Variants in PRRC1 observed in about 807,000 individuals in gnomAD.
The protein encoded by PRRC1 is proline rich coiled-coil 1, also known as protein PRRC1.
Under a neutral mutation model 40.7 loss-of-function variants are expected in PRRC1, and 39 were observed. That is an observed-to-expected ratio of 0.96 (90% CI 0.74 to 1.25). The LOEUF is 1.25. Among genes scored for constraint, PRRC1 ranks in the 50% most tolerant of loss-of-function variants. PRRC1 has a pLI of 0.00. For missense variants in PRRC1, 573 were observed against 548.3 expected, an observed-to-expected ratio of 1.05 and a Z score of -0.45; for synonymous variants, 175 against 193.3, an observed-to-expected ratio of 0.91 and a Z score of 0.79.
Position 127,553,482 on chromosome 5 carries a change from TTC to T in PRRC1, c.*1568_*1569del, listed in dbSNP as rs1472158915. 10 of 1,105,794 alleles carry T rather than the reference TTC, an allele frequency of 9.0e-6. No individual in the cohort carries two copies. The highest frequency in any genetic ancestry group is 1.1e-5 in the Non-Finnish European group (10 of 892,940). The allele number at this position is 1,105,794 out of a possible 1,614,324, so 68.5% of individuals were successfully genotyped here. ...CCAGGAGTAACAGGGACAGAATACT[TTC>T]TTTCTTTCCTTCAAGTACAAGAAGG... On this transcript the variant is annotated 3_prime_UTR_variant, in exon 9 of 9. Coordinates refer to ENST00000296666, the MANE Select transcript of PRRC1 (RefSeq NM_130809.5).
chr5:127,532,461 G>A (rs1767801919), intron 5 of PRRC1, among the ~76,000 whole-genome samples: 1 of 152,066 alleles, frequency 6.6e-6, no homozygotes, highest in South Asian at 2.1e-4. Flanking sequence ...TAACAATTTC[G>A]TATGTGTCAA....
intron 7 of PRRC1, 92 bp downstream of exon 7, chr5:127,539,235 AC>A: frequency 1.1e-6 from 1 of 874,256 alleles, no homozygotes; most frequent in Non-Finnish European, 1.8e-6. Flanking sequence ...CTGTTTTATA[AC>A]CAGAGAGAAA....
chr5:127,540,225 G>T (rs972063599), intron 7 of PRRC1, among the ~76,000 whole-genome samples: 1 of 151,928 alleles, frequency 6.6e-6, no homozygotes, highest in Admixed American at 6.6e-5. Context: ...TGATTGTTGT[G>T]TCATTTTTTT....
At chr5:127,541,756 C>A (rs1344005855) in intron 7 of PRRC1, among the ~76,000 whole-genome samples, 2 of 151,500 alleles carry the variant, frequency 1.3e-5, no homozygotes, top group African/African-American at 4.9e-5. Flanking sequence ...CTATTTGATT[C>A]TTCTCTCTTT....
chr5:127,547,672 A>T, intron 7 of PRRC1, 147 bp from the exon 8 acceptor site: 1 of 499,854 alleles, frequency 2.0e-6, no homozygotes. Flanking sequence ...TGTTTTTATG[A>T]ATTGTCCTTT....
intron 6 of PRRC1, among the ~76,000 whole-genome samples, chr5:127,538,839 G>A: frequency 6.6e-6 from 1 of 152,040 alleles, no homozygotes; most frequent in Admixed American, 6.6e-5. Context: ...TTTGGAAGGT[G>A]TACCCCAAAC....
At chr5:127,541,617 C>T (rs1768049220) in intron 7 of PRRC1, among the ~76,000 whole-genome samples, 1 of 152,260 alleles carries the variant, frequency 6.6e-6, no homozygotes, top group African/African-American at 2.4e-5. Flanking sequence ...GTGTATGTAT[C>T]GAGGAATTTA....
chr5:127,553,709 TTTGA>T lies in PRRC1; in HGVS notation c.*1796_*1799del. The T allele has an allele frequency of 2.7e-6, 4 of 1,498,302 alleles. No individual in the cohort carries two copies. The highest frequency in any genetic ancestry group is 3.5e-6 in the Non-Finnish European group (4 of 1,132,280). The allele number at this position is 1,498,302 out of a possible 1,614,324, so 92.8% of individuals were successfully genotyped here. A position where few individuals can be genotyped will look rare whatever the true frequency, so the allele number is the denominator to read the frequency against. ...GATTCTAAAAATACCTTAATTTTTC[TTTGA>T]TTTTTATTTTACCAAGTCACAAATG... On this transcript the variant is annotated 3_prime_UTR_variant, in exon 9 of 9. Coordinates refer to ENST00000296666, the MANE Select transcript of PRRC1 (RefSeq NM_130809.5).
chr5:127,540,561 T>C (rs888876309), intron 7 of PRRC1, among the ~76,000 whole-genome samples: 1 of 152,286 alleles, frequency 6.6e-6, no homozygotes, highest in African/African-American at 2.4e-5. Flanking sequence ...AGTTCAGAGC[T>C]GCTCACTACC....
In PRRC1 at chr5:127,545,958, G is replaced by A. The variant is rs181366379; in HGVS notation, c.1026-1861G>A. Among the ~76,000 whole-genome samples the A allele has an allele frequency of 1.3e-4, 19 of 151,666 alleles. 1 individual carries two copies. The highest frequency in any genetic ancestry group is 6.5e-4 in the Admixed American group (10 of 15,270). ...TCTCATAATTATTTTTTGTGGATTC[G>A]CTGAGCTTCTTGATTCTGTGGATTA... On this transcript the variant is annotated intron_variant, in intron 7 of 8. Coordinates refer to ENST00000296666, the MANE Select transcript of PRRC1 (RefSeq NM_130809.5).
At chr5:127,532,127 T>G (rs1767790858) in intron 5 of PRRC1, among the ~76,000 whole-genome samples, 2 of 151,764 alleles carry the variant, frequency 1.3e-5, no homozygotes, top group Admixed American at 1.3e-4. Flanking sequence ...GTTTTTTTTT[T>G]GAGGTGGAGT....
In PRRC1 at chr5:127,553,001, A is replaced by AT; in HGVS notation, c.*1086dup. ...GCCTTTTCCCCTCAAATAATATATT[A>AT]TATCATTTTTGGACTTATATAAATG... On this transcript the variant is annotated 3_prime_UTR_variant, in exon 9 of 9. Transcript: ENST00000296666. The AT allele has an allele frequency of 6.6e-6, 5 of 757,492 alleles. No homozygotes were observed. The highest frequency in any genetic ancestry group is 8.0e-6 in the Non-Finnish European group (5 of 623,268). 46.9% of individuals were successfully genotyped at this position (757,492 alleles called of 1,614,324 possible). A position where few individuals can be genotyped will look rare whatever the true frequency, so the allele number is the denominator to read the frequency against.
At chr5:127,531,906 A>G (rs1413675819) in intron 5 of PRRC1, among the ~76,000 whole-genome samples, 1 of 152,074 alleles carries the variant, frequency 6.6e-6, no homozygotes, top group Non-Finnish European at 1.5e-5. Flanking sequence ...TGATAAAGGT[A>G]GAGCCATCAA....
intron 4 of PRRC1, among the ~76,000 whole-genome samples, chr5:127,528,489 G>A (rs1371633958): frequency 1.3e-5 from 2 of 151,838 alleles, no homozygotes; most frequent in Non-Finnish European, 2.9e-5. Flanking sequence ...TAATTTTTTT[G>A]TATTTTTAGT....
intron 8 of PRRC1, 90 bp downstream of exon 8, chr5:127,548,011 A>C (rs186580800): frequency 7.5e-5 from 65 of 869,172 alleles, no homozygotes; most frequent in Admixed American, 6.2e-4. Flanking sequence ...TTTTTGTTAG[A>C]AATATGTTCT....
At position 127,523,492 on chromosome 5, in the gene PRRC1, A is replaced by C. The variant is rs781095454; in HGVS notation, c.13A>C (p.Ser5Arg). Residue 5 changes from serine (S) to arginine (R), a missense_variant, in exon 2 of 9, where the codon AGT becomes CGT. Physicochemically the swap from Ser to Arg is moderately radical, Grantham distance 110. Transcript: ENST00000296666. MMEE[S>R]GIETTPPGTP... The stretch of plus-strand genomic sequence containing the variant: ...TAATTGAAGAAAAATGATGGAAGAG[A>C]GTGGAATAGAGACAACACCACCTGG... The C allele has an allele frequency of 5.0e-6, 8 of 1,601,316 alleles. No homozygotes were observed. Among genetic ancestry groups the C allele is most frequent in the Non-Finnish European group, 6.8e-6 (8 of 1,175,418 alleles).
At position 127,526,732 on chromosome 5, in the gene PRRC1, G is replaced by A. The variant is rs1281707719; in HGVS notation, c.608G>A (p.Arg203Lys). The A allele has an allele frequency of 6.2e-7, 1 of 1,612,818 alleles. No homozygotes were observed. Among genetic ancestry groups the A allele is most frequent in the African/African-American group, 1.3e-5 (1 of 74,892 alleles). ...PEEQEDPRIT[R>K]GQDEASAGGI... is the part of the protein sequence containing the mutation. The stretch of plus-strand genomic sequence containing the variant: ...GAGCAAGAAGACCCTAGAATTACTA[G>A]AGGTCAGGATGAAGCATCTGCTGGT... The change falls in exon 4 of 9, where the codon AGA (arginine) becomes AAA (lysine). Residue 203 changes from arginine to lysine, a missense_variant. Coordinates refer to ENST00000296666, the MANE Select transcript of PRRC1 (RefSeq NM_130809.5).
chr5:127,523,649 A>C, intron 2 of PRRC1, 67 bp downstream of exon 2: 1 of 927,346 alleles, frequency 1.1e-6, no homozygotes. Context: ...CTTTTCTCAG[A>C]GTCAATTAAG....
chr5:127,542,036 C>T (rs181581154), intron 7 of PRRC1, among the ~76,000 whole-genome samples: 1 of 152,152 alleles, frequency 6.6e-6, no homozygotes, highest in Non-Finnish European at 1.5e-5. Flanking sequence ...TCCCTCTACA[C>T]ACTGCTTTGA....
Sources: allele counts gnomAD v4.1 joint callset (sites outside exome capture counted in the v4.1 genomes callset), GRCh38; gene constraint gnomAD v4.1.1; transcripts MANE v1.5; gene names NCBI Gene and HGNC (gene_info 2026-07-23, HGNC 2026-07-21).